CENPF: variants seen among roughly 807,000 people sequenced by gnomAD.
The protein encoded by CENPF is AH antigen.
CENPF carries 214 observed loss-of-function variants against 307.3 expected under a neutral mutation model. The ratio of observed to expected loss-of-function variants is 0.70; its 90% CI spans 0.62 to 0.78. The LOEUF (loss-of-function observed/expected upper bound fraction) is 0.78, where lower values mean the gene tolerates loss of function less well. Ranked by LOEUF, CENPF falls within the 30% of genes least tolerant of loss-of-function variation. The pLI is 0.00. For missense variants in CENPF, 3,401 were observed against 3,483.9 expected, an observed-to-expected ratio of 0.98 and a Z score of 0.60; for synonymous variants, 1,259 against 1,270.6, an observed-to-expected ratio of 0.99 and a Z score of 0.19.
intron 1 of CENPF, among the ~76,000 whole-genome samples, chr1:214,612,744 A>G (rs1657232422): frequency 6.6e-6 from 1 of 152,212 alleles, no homozygotes; most frequent in African/African-American, 2.4e-5. Context: ...ACATGGCAGG[A>G]TGATTGTTAC....
chr1:214,650,764 G>C lies in CENPF; in HGVS notation c.7984-946G>C, dbSNP rs929069921. Among the ~76,000 whole-genome samples the C allele has an allele frequency of 3.9e-4, 59 of 152,124 alleles. 1 individual carries two copies. Among genetic ancestry groups the C allele is most frequent in the African/African-American group, 1.4e-3 (57 of 41,496 alleles). On this transcript the variant is annotated intron_variant, in intron 14 of 19. Transcript: ENST00000366955. ...AAAAAAACAGTAAAATTAGCCAGACGTGGTGGCACATACTTGGGAGGCTGA... is the reference window on the plus strand; with the variant it reads ...AAAAAAACAGTAAAATTAGCCAGACCTGGTGGCACATACTTGGGAGGCTGA...
chr1:214,627,279 G>A (rs1291926107), intron 7 of CENPF, among the ~76,000 whole-genome samples: 1 of 151,260 alleles, frequency 6.6e-6, no homozygotes, highest in Non-Finnish European at 1.5e-5. Flanking sequence ...AGTTGGTATT[G>A]AACTCCTAGG....
chr1:214,648,405 A>G, intron 13 of CENPF: 1 of 578,414 alleles, frequency 1.7e-6, no homozygotes, highest in Admixed American at 2.4e-5. Context: ...TACCTTTGTG[A>G]AAGATTTTAA....
chr1:214,618,534 C>T, intron 3 of CENPF, 39 bp from the exon 4 acceptor site: 4 of 1,609,576 alleles, frequency 2.5e-6, no homozygotes, highest in Non-Finnish European at 3.4e-6. Flanking sequence ...AGCCTTTGCT[C>T]TAACTGATTT....
intron 17 of CENPF, 110 bp downstream of exon 17, chr1:214,655,513 G>A (rs1658608325): frequency 3.3e-6 from 3 of 907,708 alleles, no homozygotes; most frequent in Non-Finnish European, 4.6e-6. Context: ...CTATTACTGA[G>A]TGCTGATTTT....
intron 3 of CENPF, among the ~76,000 whole-genome samples, chr1:214,615,994 C>G (rs17736485): frequency 0.032 from 4,852 of 152,074 alleles, 101 homozygotes; most frequent in Non-Finnish European, 0.047. Flanking sequence ...CTGCTAACTT[C>G]CAAATGCATT....
rs1658852528 is a variant in CENPF at position 214,663,930 on chromosome 1, T to C, written c.*136T>C. On this transcript the variant is annotated 3_prime_UTR_variant, in exon 20 of 20. Transcript: ENST00000366955. ...AATTCCTTAGAAGTCTTAAATATAT[T>C]GTACTCTTTAGATCTCCCATGTGTA... 1 of 693,272 alleles carries C rather than the reference T, an allele frequency of 1.4e-6. No homozygotes were observed. Among genetic ancestry groups the C allele is most frequent in the Non-Finnish European group, 2.4e-6 (1 of 421,752 alleles). 42.9% of individuals were successfully genotyped at this position (693,272 alleles called of 1,614,324 possible). A position where few individuals can be genotyped will look rare whatever the true frequency, so the allele number is the denominator to read the frequency against.
At chr1:214,627,074 T>C (rs1445874862) in intron 7 of CENPF, among the ~76,000 whole-genome samples, 6 of 152,194 alleles carry the variant, frequency 3.9e-5, no homozygotes, top group Non-Finnish European at 7.3e-5. Flanking sequence ...CTCCAGGTTC[T>C]TGTTTTTGTT....
chr1:214,612,295 C>T (rs1657220875), intron 1 of CENPF, among the ~76,000 whole-genome samples: 1 of 152,144 alleles, frequency 6.6e-6, no homozygotes, highest in East Asian at 1.9e-4. Context: ...GTATGTTGAA[C>T]CAACCGTAAA....
At position 214,613,800 on chromosome 1, in the gene CENPF, G is replaced by A. The variant is rs769263921; in HGVS notation, c.46G>A (p.Ala16Thr). 2.2e-5 allele frequency: 35 copies of A among 1,613,252 alleles called. No individual in the cohort carries two copies. The highest frequency in any genetic ancestry group is 1.2e-5 in the Non-Finnish European group (14 of 1,179,770). The change falls in exon 2 of 20, where the codon GCT becomes ACT. Residue 16 changes from alanine to threonine, a missense_variant. Ala to Thr is a moderately conservative substitution (Grantham distance 58). Coordinates refer to ENST00000366955, the MANE Select transcript of CENPF (RefSeq NM_016343.4). The stretch of plus-strand genomic sequence containing the variant: ...ATGGAAAGAAGGGCTGCCTACAAGA[G>A]CTCTTCAGAAAATTCAAGAGCTTGA... ...EEWKEGLPTRALQKIQELEGQ... is the reference protein window; with the variant it reads ...EEWKEGLPTRTLQKIQELEGQ...
intron 9 of CENPF, among the ~76,000 whole-genome samples, chr1:214,630,887 T>A (rs556279338): frequency 1.3e-5 from 2 of 152,314 alleles, no homozygotes; most frequent in Non-Finnish European, 2.9e-5. Context: ...TCTGTGGAGC[T>A]CTCTCATAAT....
intron 14 of CENPF, among the ~76,000 whole-genome samples, chr1:214,650,357 GGGGGTGGGAAAGGTTT>G (rs1167652802): frequency 6.6e-6 from 1 of 151,894 alleles, no homozygotes; most frequent in Non-Finnish European, 1.5e-5. Flanking sequence ...AGGGTATGGA[GGGGGTGGGAAAGGTTT>G]GGGGTGGGAA....
In CENPF at chr1:214,616,834, CCTCTTTCTTTCTTTCTTTCTTTCTTTCT is replaced by C. The variant is rs1331387680; in HGVS notation, c.360-1738_360-1711del. On this transcript the variant is annotated intron_variant, in intron 3 of 19. Coordinates refer to ENST00000366955, the MANE Select transcript of CENPF (RefSeq NM_016343.4). ...TCCTTCCTTCCTTCTTTCCTTCCTT[CCTCTTTCTTTCTTTCTTTCTTTCTTTCT>C]TTCTTTCTTTCTTTCTTTCTTTCTT... is the stretch of plus-strand genomic sequence containing the variant. Among the ~76,000 whole-genome samples the C allele has an allele frequency of 7.5e-4, 108 of 143,802 alleles. 3 individuals are homozygous for C. The highest frequency in any genetic ancestry group is 2.8e-3 in the African/African-American group (105 of 37,114). The allele number at this position is 143,802 out of a possible 152,430, so 94.3% of individuals were successfully genotyped here.
intron 7 of CENPF, among the ~76,000 whole-genome samples, chr1:214,627,954 C>A (rs886483416): frequency 3.3e-5 from 5 of 152,138 alleles, no homozygotes; most frequent in Admixed American, 3.3e-4. Context: ...AGTGTCTTTT[C>A]CAAGTATTTA....
In CENPF at chr1:214,663,898, A is replaced by C. The variant is rs1658852042; in HGVS notation, c.*104A>C. On this transcript the variant is annotated 3_prime_UTR_variant, in exon 20 of 20. Transcript: ENST00000366955. Reference sequence around the variant, plus strand: ...GTCAGGGCATGCTTTATTAGTGAGGAGAAAACAATTCCTTAGAAGTCTTAA... The same window carrying C: ...GTCAGGGCATGCTTTATTAGTGAGGCGAAAACAATTCCTTAGAAGTCTTAA... 1.2e-6 allele frequency: 1 copy of C among 838,392 alleles called. No individual in the cohort carries two copies. Among genetic ancestry groups the C allele is most frequent in the East Asian group, 2.7e-5 (1 of 37,384 alleles). The allele number at this position is 838,392 out of a possible 1,614,324, so 51.9% of individuals were successfully genotyped here.
intron 3 of CENPF, among the ~76,000 whole-genome samples, chr1:214,616,522 GA>G (rs1350772727): frequency 3.9e-5 from 6 of 151,986 alleles, no homozygotes; most frequent in Non-Finnish European, 8.8e-5. Flanking sequence ...AATTTAGTAT[GA>G]AAAAATGTAA....
At chr1:214,661,877 T>G (rs576440243) in intron 19 of CENPF, among the ~76,000 whole-genome samples, 3 of 152,148 alleles carry the variant, frequency 2.0e-5, no homozygotes, top group African/African-American at 7.2e-5. Context: ...GCTTGCACTT[T>G]TTTTTTTTCC....
In CENPF at chr1:214,613,806, C is replaced by T; in HGVS notation, c.52C>T (p.Gln18Ter). The change falls in exon 2 of 20, where the codon CAG becomes TAG. Residue 18 changes from glutamine to a stop codon, truncating the protein, a stop_gained. Coordinates refer to ENST00000366955, the MANE Select transcript of CENPF (RefSeq NM_016343.4). LOFTEE classifies it high-confidence loss of function. ...WKEGLPTRAL[Q>*]KIQELEGQLD... ...AGAAGGGCTGCCTACAAGAGCTCTTCAGAAAATTCAAGAGCTTGAAGGACA... is the reference window on the plus strand; with the variant it reads ...AGAAGGGCTGCCTACAAGAGCTCTTTAGAAAATTCAAGAGCTTGAAGGACA... 6.2e-7 allele frequency: 1 copy of T among 1,613,316 alleles called. No individual in the cohort carries two copies. The highest frequency in any genetic ancestry group is 8.5e-7 in the Non-Finnish European group (1 of 1,179,696).
chr1:214,650,266 A>AT (rs901746884), intron 14 of CENPF, among the ~76,000 whole-genome samples: 6 of 138,808 alleles, frequency 4.3e-5, no homozygotes, highest in Admixed American at 8.3e-5. Flanking sequence ...AGATCTTTGT[A>AT]TTTTTTTTAG....
Sources: allele counts gnomAD v4.1 joint callset (sites outside exome capture counted in the v4.1 genomes callset), GRCh38; gene constraint gnomAD v4.1.1; transcripts MANE v1.5; gene names NCBI Gene and HGNC (gene_info 2026-07-23, HGNC 2026-07-21).